The following GANC variants were observed in gnomAD, a reference collection of about 807,000 sequenced individuals.
GANC encodes the protein glucosidase alpha, neutral C, also known as neutral alpha-glucosidase C.
In GANC, 117 loss-of-function variants were observed where a neutral mutation model predicts 124.2. The observed-to-expected ratio is 0.94, with a 90% CI of 0.81 to 1.10. The LOEUF (loss-of-function observed/expected upper bound fraction) is 1.10. Ranked by LOEUF, GANC falls within the 50% of genes least tolerant of loss-of-function variation. GANC has a pLI of 0.00. For synonymous variants in GANC, 377 were observed against 376.8 expected (o/e 1.00, Z -0.01); for missense variants, 1,140 against 1,095.0 (o/e 1.04, Z -0.58).
Position 42,333,038 on chromosome 15 carries a change from A to T in GANC, c.1741+2366A>T, listed in dbSNP as rs867142452. On this transcript the variant is annotated intron_variant, in intron 15 of 23. Coordinates refer to ENST00000318010, the MANE Select transcript of GANC (RefSeq NM_198141.3). ...TGTCTCAAAAAATATATATATATAT[A>T]TTTTTTTTGGTCACGAGCAGTGGCT... Among the ~76,000 whole-genome samples, 74 of 146,916 alleles carry T rather than the reference A, an allele frequency of 5.0e-4. 1 individual carries two copies. The highest frequency in any genetic ancestry group is 2.2e-3 in the Admixed American group (33 of 14,676).
At chr15:42,335,029 A>G (rs1426608788) in intron 15 of GANC, among the ~76,000 whole-genome samples, 4 of 152,186 alleles carry the variant, frequency 2.6e-5, no homozygotes, top group Non-Finnish European at 5.9e-5. Flanking sequence ...TCCCAGTTTT[A>G]CCAGATGTAC....
rs1595777302 is a variant in GANC, at chr15:42,320,228, A to G, written c.1058-1557A>G. 4.6e-5 allele frequency among the ~76,000 whole-genome samples: 7 copies of G among 152,306 alleles called. No individual in the cohort carries two copies. The South Asian group carries it at 1.4e-3, about 32-fold the overall frequency. On this transcript the variant is annotated intron_variant, in intron 10 of 23. Coordinates refer to ENST00000318010, the MANE Select transcript of GANC (RefSeq NM_198141.3). Reference sequence around the variant, plus strand: ...ATTTTAAAAAAAAGTTTCAGATTTTAAAGTATTTCAGATTTTGGATTTTCA... The same window carrying G: ...ATTTTAAAAAAAAGTTTCAGATTTTGAAGTATTTCAGATTTTGGATTTTCA...
rs973818081 is a variant in GANC at position 42,339,985 on chromosome 15, C to T, written c.2087+73C>T. On this transcript the variant is annotated intron_variant, in intron 17 of 23. Coordinates refer to ENST00000318010, the MANE Select transcript of GANC (RefSeq NM_198141.3). ...AGAAGATCTCAGTGATTAAAGAATG[C>T]AATAATTACAGTGATTTCAAGAGAA... 10 of 1,489,932 alleles carry T rather than the reference C, an allele frequency of 6.7e-6. No individual in the cohort carries two copies. The African/African-American group carries it at 1.4e-4, about 21-fold the overall frequency. The allele number at this position is 1,489,932 out of a possible 1,614,324, so 92.3% of individuals were successfully genotyped here.
intron 2 of GANC, among the ~76,000 whole-genome samples, chr15:42,277,542 A>AT (rs1224090775): frequency 2.0e-5 from 3 of 152,012 alleles, no homozygotes. Flanking sequence ...AAAAAAAAAA[A>AT]GATTGCCTGT....
In GANC at chr15:42,348,132, G is replaced by A. The variant is rs1230659786; in HGVS notation, c.2334G>A (p.Val778=). The A allele has an allele frequency of 1.2e-6, 2 of 1,612,506 alleles. No individual in the cohort carries two copies. Among genetic ancestry groups the A allele is most frequent in the African/African-American group, 1.3e-5 (1 of 74,974 alleles). ...CAGTGTTTCAGCGAGGTGGAAGTGT[G>A]ATACCAATAAAGACAACTGTAGGAA... ...TIPVFQRGGS[V]IPIKTTVGKS... The change falls in exon 21 of 24, where the codon GTG becomes GTA. Residue 778 remains valine (V), a synonymous_variant. Transcript: ENST00000318010.
intron 3 of GANC, among the ~76,000 whole-genome samples, chr15:42,284,854 T>G (rs1450076237): frequency 6.6e-6 from 1 of 152,192 alleles, no homozygotes; most frequent in Non-Finnish European, 1.5e-5. Context: ...CTCACCTCAT[T>G]TTAACTATCC....
intron 10 of GANC, among the ~76,000 whole-genome samples, chr15:42,315,468 G>A (rs2052093768): frequency 6.6e-6 from 1 of 152,122 alleles, no homozygotes; most frequent in Non-Finnish European, 1.5e-5. Context: ...CACTAGGATG[G>A]CTAAATCCAA....
At position 42,353,113 on chromosome 15, in the gene GANC, G is replaced by A. The variant is rs1342671959; in HGVS notation, c.*974G>A. The A allele has an allele frequency of 2.0e-6, 2 of 985,558 alleles. No homozygotes were observed. Among genetic ancestry groups the A allele is most frequent in the African/African-American group, 3.5e-5 (2 of 57,172 alleles). The allele number at this position is 985,558 out of a possible 1,614,324, so 61.1% of individuals were successfully genotyped here. A position where few individuals can be genotyped will look rare whatever the true frequency, so the allele number is the denominator to read the frequency against. On this transcript the variant is annotated 3_prime_UTR_variant, in exon 24 of 24. Transcript: ENST00000318010. ...TCCTTTTGTCCCAGGCTCTAATATG[G>A]CTTGGCATGGGGCAGAACATTACAA...
intron 10 of GANC, chr15:42,314,306 G>A (rs1324191339): frequency 1.7e-6 from 1 of 602,960 alleles, no homozygotes; most frequent in Non-Finnish European, 3.0e-6. Context: ...ATTTCCAAAG[G>A]GTTTTGCTGC....
At chr15:42,324,263 T>TA (rs144756412) in intron 11 of GANC, among the ~76,000 whole-genome samples, 2,327 of 147,272 alleles carry the variant, frequency 0.016, 65 homozygotes, top group African/African-American at 0.055. Flanking sequence ...GACTACTATT[T>TA]AAAAAAAAAA....
chr15:42,320,859 T>C (rs2052150344), intron 10 of GANC, among the ~76,000 whole-genome samples: 1 of 152,180 alleles, frequency 6.6e-6, no homozygotes, highest in Non-Finnish European at 1.5e-5. Flanking sequence ...CTTCTGTCAA[T>C]AGCCTCCTCA....
chr15:42,329,241 A>G (rs905090414), intron 13 of GANC, 65 bp from the exon 14 acceptor site: 57 of 1,479,288 alleles, frequency 3.9e-5, no homozygotes, highest in East Asian at 4.6e-5. Flanking sequence ...TGAGGTAGCA[A>G]TGGTGACAGC....
rs2052300925 is a variant in GANC, at chr15:42,338,416, C to A, written c.1769C>A (p.Ala590Glu). 1 of 1,613,856 alleles carries A rather than the reference C, an allele frequency of 6.2e-7. No homozygotes were observed. The highest frequency in any genetic ancestry group is 8.5e-7 in the Non-Finnish European group (1 of 1,179,904). ...GCCGTGTGGACAGGCGACAACACAG[C>A]AGAATGGAGCAACTTGAAAATTTCT... ...YGAVWTGDNT[A>E]EWSNLKISIP... The change falls in exon 16 of 24, where the codon GCA (alanine) becomes GAA (glutamate). Residue 590 changes from alanine to glutamate, a missense_variant. Ala to Glu is a moderately radical substitution (Grantham distance 107). Transcript: ENST00000318010.
chr15:42,343,023 A>T, intron 18 of GANC, 55 bp from the exon 19 acceptor site: 1 of 1,445,598 alleles, frequency 6.9e-7, no homozygotes, highest in Non-Finnish European at 9.7e-7. Context: ...AAGAGAAAGG[A>T]GATTTTTAGA....
Position 42,352,938 on chromosome 15 carries a change from C to T in GANC, c.*799C>T, listed in dbSNP as rs540330029. The T allele has an allele frequency of 1.9e-6, 1 of 529,890 alleles. No individual in the cohort carries two copies. Among genetic ancestry groups the T allele is most frequent in the African/African-American group, 2.1e-5 (1 of 47,728 alleles). The allele number at this position is 529,890 out of a possible 1,614,324, so 32.8% of individuals were successfully genotyped here. ...GCAAGGGAGACCCTGGCCTTGGGCACAAAATGTAAGGGATGCCAAAAAAAT... is the reference window on the plus strand; with the variant it reads ...GCAAGGGAGACCCTGGCCTTGGGCATAAAATGTAAGGGATGCCAAAAAAAT... On this transcript the variant is annotated 3_prime_UTR_variant, in exon 24 of 24. Coordinates refer to ENST00000318010, the MANE Select transcript of GANC (RefSeq NM_198141.3).
rs116836065 is a variant in GANC, at chr15:42,333,606, T to G, written c.1741+2934T>G. On this transcript the variant is annotated intron_variant, in intron 15 of 23. Transcript: ENST00000318010. ...GGGCTCAAATCCTGCCTCTACCACT[T>G]AATAACTGTGTAACTCTGGGTAGAT... Among the ~76,000 whole-genome samples the G allele has an allele frequency of 8.6e-3, 1,316 of 152,294 alleles. 18 individuals carry two copies. The highest frequency in any genetic ancestry group is 0.03 in the African/African-American group (1,254 of 41,552).
chr15:42,322,165 T>C, intron 11 of GANC, 145 bp downstream of exon 11: 1 of 692,424 alleles, frequency 1.4e-6, no homozygotes, highest in East Asian at 2.8e-5. Context: ...GTCACTGTGA[T>C]AAGAGAGAAA....
rs567218497 is a variant in GANC at position 42,352,041 on chromosome 15, C to T, written c.2647C>T (p.Gln883Ter). The T allele has an allele frequency of 9.9e-6, 16 of 1,614,072 alleles. No homozygotes were observed. In the East Asian group the frequency reaches 2.9e-4, roughly 29 times the overall value. Residue 883 changes from glutamine to a stop codon, truncating the protein, a stop_gained, in exon 24 of 24, where the codon CAG (glutamine) becomes TAG (stop). Transcript: ENST00000318010. LOFTEE classifies it high-confidence loss of function. ...VTTHSSDGKD[Q>*]PVAFTYCAKT... The stretch of plus-strand genomic sequence containing the variant: ...GTCTTGCTATTTAGATGGTAAAGAT[C>T]AGCCTGTGGCTTTTACGTATTGTGC...
At chr15:42,331,282 G>A (rs1423472593) in intron 15 of GANC, among the ~76,000 whole-genome samples, 1 of 152,212 alleles carries the variant, frequency 6.6e-6, no homozygotes. Flanking sequence ...AGTTTGCTGG[G>A]ATAGTCATCT....
Sources: gnomAD v4.1 joint callset for allele counts (sites outside exome capture counted in the v4.1 genomes callset) on GRCh38, gnomAD v4.1.1 for gene constraint, MANE v1.5 for transcripts, NCBI Gene and HGNC (gene_info 2026-07-23, HGNC 2026-07-21) for gene names.